TMEM108: variants seen among roughly 807,000 people sequenced by gnomAD.
TMEM108 encodes transmembrane protein 108.
A neutral mutation model predicts 35.1 loss-of-function variants in TMEM108; 12 were observed. The ratio of observed to expected loss-of-function variants is 0.34; its 90% CI spans 0.22 to 0.55. TMEM108 has a LOEUF of 0.55. TMEM108 is among the 20% of genes least tolerant of loss of function. The pLI is 0.89. For synonymous variants in TMEM108, 287 were observed against 308.6 expected (o/e 0.93, Z 0.73); for missense variants, 680 against 753.3 (o/e 0.90, Z 1.14).
chr3:133,313,234 G>A (rs914699553), intron 3 of TMEM108, among the ~76,000 whole-genome samples: 4 of 146,180 alleles, frequency 2.7e-5, no homozygotes, highest in African/African-American at 7.7e-5. Context: ...GTCTCTCTCT[G>A]TCACCCAGGC....
intron 2 of TMEM108, among the ~76,000 whole-genome samples, chr3:133,163,526 G>A (rs1484646674): frequency 6.6e-6 from 1 of 152,158 alleles, no homozygotes; most frequent in Non-Finnish European, 1.5e-5. Context: ...GACAGCAGAG[G>A]GGTAGAGGAA....
chr3:133,183,669 A>C (rs1219224659), intron 2 of TMEM108, among the ~76,000 whole-genome samples: 1 of 152,186 alleles, frequency 6.6e-6, no homozygotes, highest in African/African-American at 2.4e-5. Flanking sequence ...GGAAAACACC[A>C]CAGGCACAGG....
intron 2 of TMEM108, among the ~76,000 whole-genome samples, chr3:133,108,283 T>G (rs1038376676): frequency 1.2e-4 from 18 of 152,206 alleles, no homozygotes; most frequent in Non-Finnish European, 2.1e-4. Context: ...AGCACCTGTT[T>G]TTTCCTGACT....
At position 133,287,770 on chromosome 3, in the gene TMEM108, C is replaced by T. The variant is rs569065953; in HGVS notation, c.40+58419C>T. On this transcript the variant is annotated intron_variant, in intron 3 of 5. Transcript: ENST00000321871. The stretch of plus-strand genomic sequence containing the variant: ...CCAAAAAAGTTTTTAGTTAGGGCCT[C>T]TTTTAGATTGGTTACCAAACACTCT... 2.9e-4 allele frequency among the ~76,000 whole-genome samples: 44 copies of T among 152,236 alleles called. 1 individual carries two copies. Among genetic ancestry groups the T allele is most frequent in the Admixed American group, 2.8e-3 (43 of 15,276 alleles).
intron 3 of TMEM108, among the ~76,000 whole-genome samples, chr3:133,254,524 T>G (rs1007985347): frequency 6.6e-6 from 1 of 152,168 alleles, no homozygotes; most frequent in Admixed American, 6.5e-5. Flanking sequence ...GATACTTGCA[T>G]ATTAACGTCA....
intron 5 of TMEM108, among the ~76,000 whole-genome samples, chr3:133,391,028 A>G (rs1357275009): frequency 1.3e-5 from 2 of 152,198 alleles, no homozygotes; most frequent in African/African-American, 4.8e-5. Context: ...GGTGGCGTAG[A>G]GGCCAGAGTG....
At chr3:133,042,840 A>G (rs2030444) in intron 1 of TMEM108, among the ~76,000 whole-genome samples, 68,286 of 152,088 alleles carry the variant, frequency 0.45, 15,583 homozygotes, top group African/African-American at 0.52. Context: ...CCCTTCTCCA[A>G]TGCTGCTTTA....
intron 3 of TMEM108, among the ~76,000 whole-genome samples, chr3:133,335,241 A>G (rs2071469469): frequency 6.6e-6 from 1 of 152,260 alleles, no homozygotes; most frequent in South Asian, 2.1e-4. Context: ...AAAACAAAGC[A>G]TAGCCATGTG....
intron 2 of TMEM108, among the ~76,000 whole-genome samples, chr3:133,209,925 A>T (rs751322810): frequency 6.6e-6 from 1 of 151,958 alleles, no homozygotes; most frequent in Non-Finnish European, 1.5e-5. Context: ...TCTTCAAGAC[A>T]TCCCTATGAA....
intron 3 of TMEM108, among the ~76,000 whole-genome samples, chr3:133,345,658 A>T (rs1220177419): frequency 6.6e-6 from 1 of 151,946 alleles, no homozygotes; most frequent in Non-Finnish European, 1.5e-5. Flanking sequence ...GAGAACTGAG[A>T]CATTAGCAAA....
In TMEM108 at chr3:133,395,884, C is replaced by A; in HGVS notation, c.1626C>A (p.Arg542=). 6.3e-7 allele frequency: 1 copy of A among 1,589,884 alleles called. No homozygotes were observed. Among genetic ancestry groups the A allele is most frequent in the Non-Finnish European group, 8.6e-7 (1 of 1,168,634 alleles). The change falls in exon 6 of 6, where the codon CGC becomes CGA. Residue 542 remains arginine (R), a synonymous_variant. Transcript: ENST00000321871. ...CCCAGGACCAGCTCTCAGAGCCCCG[C>A]TCCCCAGCCAATGGCGACTATAGAG... ...ETSEDQLSEP[R]SPANGDYRDT... is the part of the protein sequence containing the mutation.
At chr3:133,092,686 T>C (rs1943963824) in intron 2 of TMEM108, among the ~76,000 whole-genome samples, 1 of 152,202 alleles carries the variant, frequency 6.6e-6, no homozygotes, top group African/African-American at 2.4e-5. Flanking sequence ...ATAATGTTAA[T>C]AGCAGCAAAA....
intron 3 of TMEM108, among the ~76,000 whole-genome samples, chr3:133,357,966 C>T (rs1251058066): frequency 2.0e-5 from 3 of 152,042 alleles, no homozygotes; most frequent in Non-Finnish European, 4.4e-5. Context: ...AAATGAAAAA[C>T]AAAGACAAGC....
At chr3:133,125,015 C>G (rs1944398165) in intron 2 of TMEM108, 1 of 152,198 alleles carries the variant, frequency 6.6e-6, no homozygotes, top group Non-Finnish European at 1.5e-5. Flanking sequence ...TCTTATGCTA[C>G]TCTGAAGATC....
intron 2 of TMEM108, among the ~76,000 whole-genome samples, chr3:133,146,252 G>A (rs1371947144): frequency 3.3e-5 from 5 of 152,296 alleles, no homozygotes; most frequent in South Asian, 2.1e-4. Context: ...TTCTGTTTAT[G>A]TGATGGATTA....
intron 3 of TMEM108, among the ~76,000 whole-genome samples, chr3:133,244,064 A>G (rs1337176940): frequency 1.3e-5 from 2 of 152,090 alleles, no homozygotes; most frequent in Non-Finnish European, 2.9e-5. Flanking sequence ...CACACCTTGG[A>G]CTTGTCTTCA....
chr3:133,114,347 A>G (rs1354762231), intron 2 of TMEM108, among the ~76,000 whole-genome samples: 1 of 152,222 alleles, frequency 6.6e-6, no homozygotes, highest in East Asian at 1.9e-4. Flanking sequence ...TGAGGAGAGT[A>G]TATTTTATCC....
chr3:133,172,974 C>T (rs1945152893), intron 2 of TMEM108, among the ~76,000 whole-genome samples: 1 of 152,184 alleles, frequency 6.6e-6, no homozygotes, highest in South Asian at 2.1e-4. Context: ...TCCTTCTTGC[C>T]TTCCACCATG....
At chr3:133,074,568 C>T (rs574180969) in intron 2 of TMEM108, among the ~76,000 whole-genome samples, 1 of 152,294 alleles carries the variant, frequency 6.6e-6, no homozygotes, top group South Asian at 2.1e-4. Context: ...CAGCTCACTG[C>T]AACCTCCTCC....
Sources: gnomAD v4.1 joint callset for allele counts (sites outside exome capture counted in the v4.1 genomes callset) on GRCh38, gnomAD v4.1.1 for gene constraint, MANE v1.5 for transcripts, NCBI Gene and HGNC (gene_info 2026-07-23, HGNC 2026-07-21) for gene names.